AVL9: variants seen among roughly 807,000 people sequenced by gnomAD.
AVL9 encodes the protein late secretory pathway protein AVL9 homolog.
In AVL9, 49 loss-of-function variants were observed where a neutral mutation model predicts 79.2. The ratio of observed to expected loss-of-function variants is 0.62; its 90% CI spans 0.49 to 0.79. AVL9 has a LOEUF of 0.79. Among genes scored for constraint, AVL9 ranks in the 30% least tolerant of loss-of-function variants. The probability of loss-of-function intolerance (pLI) is 0.00; values close to 1 mark genes in which losing one functional copy is unlikely to be tolerated. For missense variants in AVL9, 682 were observed against 776.8 expected (o/e 0.88, Z 1.45); for synonymous variants, 299 against 280.6 (o/e 1.07, Z -0.65).
chr7:32,496,510 T>C (rs1291702952), intron 1 of AVL9, among the ~76,000 whole-genome samples: 3 of 152,206 alleles, frequency 2.0e-5, no homozygotes, highest in Non-Finnish European at 2.9e-5. Flanking sequence ...CACTGAATCA[T>C]TAATGCAGCA....
rs146210258 is a variant in AVL9, at chr7:32,548,756, C to G, written c.301-91C>G. ...GAATTTAACTGAATGTAAGAAATTT[C>G]TTATATATAATTTCTATTTTTATGT... On this transcript the variant is annotated intron_variant, in intron 3 of 15. Coordinates refer to ENST00000318709, the MANE Select transcript of AVL9 (RefSeq NM_015060.3). 31 of 866,008 alleles carry G rather than the reference C, an allele frequency of 3.6e-5. No homozygotes were observed. In the African/African-American group the frequency reaches 4.4e-4, roughly 12 times the overall value. 53.6% of individuals were successfully genotyped at this position (866,008 alleles called of 1,614,324 possible).
chr7:32,517,395 G>T (rs545323101), intron 1 of AVL9, among the ~76,000 whole-genome samples: 1 of 150,178 alleles, frequency 6.7e-6, no homozygotes, highest in Non-Finnish European at 1.5e-5. Context: ...AAACTCTGTC[G>T]CCTGAGTTCA....
intron 1 of AVL9, among the ~76,000 whole-genome samples, chr7:32,509,892 T>G (rs1330207341): frequency 6.6e-6 from 1 of 152,180 alleles, no homozygotes; most frequent in Non-Finnish European, 1.5e-5. Context: ...CTCTAGAATC[T>G]GAAGAGGGTT....
At chr7:32,571,926 G>T (rs1266190222) in intron 11 of AVL9, among the ~76,000 whole-genome samples, 3 of 152,172 alleles carry the variant, frequency 2.0e-5, no homozygotes, top group Non-Finnish European at 2.9e-5. Flanking sequence ...CACTTTGGGA[G>T]GCCAAGGTGG....
chr7:32,574,414 C>CA (rs1790992247), intron 12 of AVL9, among the ~76,000 whole-genome samples: 2 of 152,048 alleles, frequency 1.3e-5, no homozygotes, highest in African/African-American at 4.8e-5. Context: ...GCTGAGACAC[C>CA]AAAATTAAAT....
intron 13 of AVL9, among the ~76,000 whole-genome samples, chr7:32,579,571 ATAT>A (rs1173730036): frequency 0.23 from 286 of 1,234 alleles, 95 homozygotes; most frequent in Non-Finnish European, 0.32. Context: ...ATTATATATT[ATAT>A]TATATATTAT....
intron 1 of AVL9, among the ~76,000 whole-genome samples, chr7:32,517,309 C>CT (rs1054366807): frequency 0.025 from 3,512 of 142,406 alleles, 103 homozygotes; most frequent in African/African-American, 0.064. Context: ...TTTTCTTTTT[C>CT]TTTTTTTTTT....
In AVL9 at chr7:32,579,426, TAATATATATATTATATATAA is replaced by T. The variant is rs1562801545; in HGVS notation, c.1689-792_1689-773del. The stretch of plus-strand genomic sequence containing the variant: ...TATTATATATAATATGTTATATATA[TAATATATATATTATATATAA>T]TATATTATATATTATATATAATATA... On this transcript the variant is annotated intron_variant, in intron 13 of 15. Coordinates refer to ENST00000318709, the MANE Select transcript of AVL9 (RefSeq NM_015060.3). Among the ~76,000 whole-genome samples the T allele has an allele frequency of 6.0e-3, 29 of 4,814 alleles. 9 individuals carry two copies. The highest frequency in any genetic ancestry group is 0.031 in the African/African-American group (27 of 874). The allele number at this position is 4,814 out of a possible 152,430, so 3.2% of individuals were successfully genotyped here.
intron 8 of AVL9, among the ~76,000 whole-genome samples, chr7:32,556,074 A>G (rs927336524): frequency 6.6e-6 from 1 of 152,230 alleles, no homozygotes; most frequent in Non-Finnish European, 1.5e-5. Flanking sequence ...GTCTACAACA[A>G]GTCAAGCCTA....
chr7:32,527,291 C>T (rs536970052), intron 1 of AVL9, among the ~76,000 whole-genome samples: 11 of 152,106 alleles, frequency 7.2e-5, no homozygotes, highest in Non-Finnish European at 1.3e-4. Flanking sequence ...AATAATGGTG[C>T]CCAAAAGAGT....
At position 32,559,011 on chromosome 7, in the gene AVL9, T is replaced by C; in HGVS notation, c.762T>C (p.Ser254=). The C allele has an allele frequency of 6.2e-7, 1 of 1,613,966 alleles. No individual in the cohort carries two copies. The highest frequency in any genetic ancestry group is 8.5e-7 in the Non-Finnish European group (1 of 1,179,928). Residue 254 remains serine, a synonymous_variant, in exon 10 of 16, where the codon AGT becomes AGC. Coordinates refer to ENST00000318709, the MANE Select transcript of AVL9 (RefSeq NM_015060.3). The part of the protein sequence containing the change: ...SMSEDGGLQE[S]NPCADDFVSA... ...CTGAAGATGGTGGGCTTCAGGAAAG[T>C]AACCCATGTGCAGATGATTTTGTTT...
chr7:32,528,897 C>G (rs1406390491), intron 1 of AVL9, among the ~76,000 whole-genome samples: 2 of 152,074 alleles, frequency 1.3e-5, no homozygotes, highest in African/African-American at 2.4e-5. Flanking sequence ...GTAGTCCCAG[C>G]TAGTCGGGAG....
At chr7:32,515,389 G>C (rs1027541572) in intron 1 of AVL9, among the ~76,000 whole-genome samples, 22 of 152,208 alleles carry the variant, frequency 1.4e-4, no homozygotes, top group African/African-American at 5.1e-4. Context: ...AATTGGCTGA[G>C]AGCTGGGAGC....
intron 5 of AVL9, among the ~76,000 whole-genome samples, chr7:32,551,984 G>A (rs1789850177): frequency 6.9e-6 from 1 of 143,926 alleles, no homozygotes; most frequent in Non-Finnish European, 1.5e-5. Context: ...AAATGTAGAG[G>A]GAGAAAGGAA....
chr7:32,528,503 C>A (rs777832017), intron 1 of AVL9, among the ~76,000 whole-genome samples: 5 of 152,194 alleles, frequency 3.3e-5, no homozygotes, highest in Non-Finnish European at 7.3e-5. Context: ...TGAAACCTGT[C>A]TGAAGTACTG....
At chr7:32,511,209 G>A (rs1002844435) in intron 1 of AVL9, among the ~76,000 whole-genome samples, 1 of 146,108 alleles carries the variant, frequency 6.8e-6, no homozygotes, top group Admixed American at 6.8e-5. Flanking sequence ...ATCTCTCCAG[G>A]GTGAGATTCA....
intron 14 of AVL9, 102 bp downstream of exon 14, chr7:32,580,374 T>G: frequency 1.1e-6 from 1 of 923,642 alleles, no homozygotes; most frequent in Non-Finnish European, 1.7e-6. Context: ...GATAGACTTA[T>G]GCTTCAAATA....
chr7:32,498,065 G>A (rs1786938282), intron 1 of AVL9, among the ~76,000 whole-genome samples: 1 of 152,138 alleles, frequency 6.6e-6, no homozygotes, highest in South Asian at 2.1e-4. Context: ...TGTTTTAAAA[G>A]TGATGCCTTT....
chr7:32,565,824 A>G (rs1790540865), intron 10 of AVL9, among the ~76,000 whole-genome samples: 1 of 152,044 alleles, frequency 6.6e-6, no homozygotes, highest in African/African-American at 2.4e-5. Flanking sequence ...CCAGGCCAAC[A>G]TGGTGAAACC....
Sources: gnomAD v4.1 joint callset for allele counts (sites outside exome capture counted in the v4.1 genomes callset) on GRCh38, gnomAD v4.1.1 for gene constraint, MANE v1.5 for transcripts, NCBI Gene and HGNC (gene_info 2026-07-23, HGNC 2026-07-21) for gene names.